Variants in POU6F2 observed in about 807,000 individuals in gnomAD.
POU6F2 encodes the protein POU class 6 homeobox 2.
In POU6F2, 31 loss-of-function variants were observed where a neutral mutation model predicts 71.3. That is an observed-to-expected ratio of 0.43 (90% CI 0.33 to 0.59). The LOEUF (loss-of-function observed/expected upper bound fraction) is 0.59, where lower values mean the gene tolerates loss of function less well. POU6F2 is among the 20% of genes least tolerant of loss of function. The pLI is 0.04. For synonymous variants in POU6F2, 347 were observed against 355.7 expected, an observed-to-expected ratio of 0.98 and a Z score of 0.27; for missense variants, 783 against 856.8, an observed-to-expected ratio of 0.91 and a Z score of 1.07.
intron 7 of POU6F2, 28 bp from the exon 8 acceptor site, chr7:39,451,505 T>C (rs1788659254): frequency 2.5e-6 from 4 of 1,583,076 alleles, no homozygotes; most frequent in Non-Finnish European, 3.4e-6. Flanking sequence ...CATTCATTTG[T>C]GTATTTTTTT....
chr7:39,273,431 C>T (rs926725760), intron 4 of POU6F2, among the ~76,000 whole-genome samples: 11 of 152,174 alleles, frequency 7.2e-5, no homozygotes, highest in Admixed American at 2.0e-4. Flanking sequence ...CTCATAACCC[C>T]GTCGAATCAA....
intron 6 of POU6F2, among the ~76,000 whole-genome samples, chr7:39,425,609 C>T (rs1283539084): frequency 6.6e-6 from 1 of 152,182 alleles, no homozygotes; most frequent in Non-Finnish European, 1.5e-5. Context: ...TTATAAATAG[C>T]AGCCGCTACC....
At chr7:39,338,903 A>C (rs1333058060) in intron 4 of POU6F2, among the ~76,000 whole-genome samples, 1 of 152,144 alleles carries the variant, frequency 6.6e-6, no homozygotes, top group African/African-American at 2.4e-5. Context: ...TCATTCCCTC[A>C]GTCCTTAGGT....
chr7:39,285,014 C>T (rs1038432768), intron 4 of POU6F2, among the ~76,000 whole-genome samples: 1 of 152,206 alleles, frequency 6.6e-6, no homozygotes, highest in African/African-American at 2.4e-5. Context: ...GTGAAGCTCT[C>T]AAGCCCACAG....
At chr7:39,338,142 T>C (rs1785820530) in intron 4 of POU6F2, among the ~76,000 whole-genome samples, 1 of 152,170 alleles carries the variant, frequency 6.6e-6, no homozygotes, top group Non-Finnish European at 1.5e-5. Flanking sequence ...GGAGGCCAGA[T>C]GCAATCAAGT....
intron 6 of POU6F2, among the ~76,000 whole-genome samples, chr7:39,426,385 C>T (rs1787972178): frequency 6.6e-6 from 1 of 152,140 alleles, no homozygotes; most frequent in South Asian, 2.1e-4. Flanking sequence ...TCTTCAAAGC[C>T]CTCTCTGGTG....
At chr7:39,445,546 C>T (rs1267548490) in intron 7 of POU6F2, among the ~76,000 whole-genome samples, 1 of 152,164 alleles carries the variant, frequency 6.6e-6, no homozygotes, top group African/African-American at 2.4e-5. Context: ...ATCCACTCTC[C>T]CTCCTCTGTC....
intron 5 of POU6F2, among the ~76,000 whole-genome samples, chr7:39,379,937 G>A (rs925533812): frequency 7.9e-5 from 12 of 152,106 alleles, no homozygotes; most frequent in African/African-American, 1.9e-4. Context: ...TAGATGAATC[G>A]TTTTCTTTCA....
At chr7:39,140,819 C>T (rs1456777593) in intron 2 of POU6F2, among the ~76,000 whole-genome samples, 1 of 152,148 alleles carries the variant, frequency 6.6e-6, no homozygotes, top group East Asian at 1.9e-4. Flanking sequence ...TCATTTAAGC[C>T]TTGCTCAGGT....
intron 5 of POU6F2, among the ~76,000 whole-genome samples, chr7:39,394,482 T>C (rs1787134446): frequency 6.6e-6 from 1 of 152,208 alleles, no homozygotes; most frequent in East Asian, 1.9e-4. Context: ...GGAAACGCTC[T>C]GTGGGCACTC....
chr7:39,463,256 G>A (rs948049543), intron 9 of POU6F2, among the ~76,000 whole-genome samples: 3 of 152,204 alleles, frequency 2.0e-5, no homozygotes, highest in African/African-American at 4.8e-5. Context: ...TGTCCAAGAC[G>A]CTTCATATTT....
intron 4 of POU6F2, among the ~76,000 whole-genome samples, chr7:39,311,227 A>G (rs929082353): frequency 2.7e-4 from 41 of 152,062 alleles, no homozygotes; most frequent in Non-Finnish European, 2.5e-4. Context: ...CACACTATGC[A>G]GAGTGGTCAC....
chr7:39,015,882 TATTATATATTATA>T (rs1789500324), intron 1 of POU6F2, among the ~76,000 whole-genome samples: 4 of 45,348 alleles, frequency 8.8e-5, no homozygotes, highest in Non-Finnish European at 1.6e-4. Flanking sequence ...TATAGATATA[TATTATATATTATA>T]TATAGATATA....
chr7:39,185,458 A>C (rs558584782), intron 2 of POU6F2, among the ~76,000 whole-genome samples: 1 of 152,282 alleles, frequency 6.6e-6, no homozygotes, highest in Admixed American at 6.5e-5. Context: ...ATGACTTAAA[A>C]CCGAAGTTTA....
intron 4 of POU6F2, among the ~76,000 whole-genome samples, chr7:39,229,674 G>A (rs1341898109): frequency 1.3e-5 from 2 of 152,194 alleles, no homozygotes; most frequent in Non-Finnish European, 2.9e-5. Context: ...TCTCAGTAAT[G>A]ATCCAAATAT....
At chr7:39,154,802 G>A (rs1277535445) in intron 2 of POU6F2, among the ~76,000 whole-genome samples, 1 of 152,160 alleles carries the variant, frequency 6.6e-6, no homozygotes, top group East Asian at 1.9e-4. Flanking sequence ...TCAAGGCATA[G>A]TAATCTTTCC....
rs1043945672 is a variant in POU6F2, at chr7:38,995,515, AG to A, written c.105+17458del. ...AAAATTCCCTTTGTGATGAAAAAAA[AG>A]AGAGAGGACTAAAATATTTGTTTGG... On this transcript the variant is annotated intron_variant, in intron 1 of 9. Transcript: ENST00000518318. Among the ~76,000 whole-genome samples the A allele has an allele frequency of 6.4e-3, 964 of 151,222 alleles. 10 individuals carry two copies. The highest frequency in any genetic ancestry group is 0.022 in the African/African-American group (903 of 41,340).
At chr7:39,081,300 C>T (rs1190005397) in intron 1 of POU6F2, among the ~76,000 whole-genome samples, 2 of 152,140 alleles carry the variant, frequency 1.3e-5, no homozygotes, top group Non-Finnish European at 2.9e-5. Context: ...GAACCTTGCC[C>T]ATTCCAGATC....
chr7:39,348,910 C>T (rs916694969), intron 5 of POU6F2, among the ~76,000 whole-genome samples: 1 of 152,178 alleles, frequency 6.6e-6, no homozygotes, highest in Non-Finnish European at 1.5e-5. Context: ...CTAGTTAACA[C>T]GATTTAACCA....
Sources: gnomAD v4.1 joint callset for allele counts (sites outside exome capture counted in the v4.1 genomes callset) on GRCh38, gnomAD v4.1.1 for gene constraint, MANE v1.5 for transcripts, NCBI Gene and HGNC (gene_info 2026-07-23, HGNC 2026-07-21) for gene names.